Variants in SLC26A7 observed in about 807,000 individuals in gnomAD.
SLC26A7 encodes the protein solute carrier family 26 member 7, also known as anion exchange transporter.
In SLC26A7, 59 loss-of-function variants were observed where a neutral mutation model predicts 82.5. That is an observed-to-expected ratio of 0.72 (90% CI 0.58 to 0.89). The LOEUF is 0.89. Ranked by LOEUF, SLC26A7 falls within the 40% of genes least tolerant of loss-of-function variation. The probability of loss-of-function intolerance (pLI) is 0.00; values close to 1 mark genes in which losing one functional copy is unlikely to be tolerated. For synonymous variants in SLC26A7, 271 were observed against 274.3 expected (o/e 0.99, Z 0.12); for missense variants, 820 against 793.0 (o/e 1.03, Z -0.41).
At chr8:91,321,715 C>T (rs1172087240) in intron 5 of SLC26A7, among the ~76,000 whole-genome samples, 2 of 152,136 alleles carry the variant, frequency 1.3e-5, no homozygotes, top group Non-Finnish European at 2.9e-5. Context: ...GATTCATATA[C>T]TTCTGATTAA....
intron 2 of SLC26A7, among the ~76,000 whole-genome samples, chr8:91,222,798 T>G (rs958874233): frequency 6.7e-6 from 1 of 150,190 alleles, no homozygotes; most frequent in African/African-American, 2.4e-5. Flanking sequence ...TTCATCAGTT[T>G]TCTTTTTTTG....
At chr8:91,216,317 C>T (rs539481542) in intron 1 of SLC26A7, among the ~76,000 whole-genome samples, 1 of 152,226 alleles carries the variant, frequency 6.6e-6, no homozygotes, top group South Asian at 2.1e-4. Context: ...CATGCGATGT[C>T]CTAATGACAC....
chr8:91,390,911 AT>A (rs1183404514), intron 16 of SLC26A7, among the ~76,000 whole-genome samples: 3 of 152,136 alleles, frequency 2.0e-5, no homozygotes, highest in African/African-American at 7.2e-5. Flanking sequence ...TTGTCTAAAC[AT>A]GGTTGTTGTA....
At chr8:91,248,227 T>TC (rs979357709), upstream of SLC26A7, among the ~76,000 whole-genome samples, 3 of 151,666 alleles carry the variant, frequency 2.0e-5, no homozygotes, top group Non-Finnish European at 4.4e-5. Flanking sequence ...ATAAATAAAT[T>TC]CCCCCCCACC....
chr8:91,325,328 A>G (rs1476435604), intron 5 of SLC26A7, among the ~76,000 whole-genome samples: 1 of 152,162 alleles, frequency 6.6e-6, no homozygotes, highest in Non-Finnish European at 1.5e-5. Context: ...GGAAGTGACT[A>G]AGTTTAAACA....
At chr8:91,323,818 C>CTTTTTTT (rs3086210) in intron 5 of SLC26A7, among the ~76,000 whole-genome samples, 1 of 117,104 alleles carries the variant, frequency 8.5e-6, no homozygotes, top group African/African-American at 3.0e-5. Flanking sequence ...TTTTTCTTAT[C>CTTTTTTT]TTTTTTTTTT....
At chr8:91,242,518 A>G (rs886268787) in intron 2 of SLC26A7, among the ~76,000 whole-genome samples, 5 of 152,166 alleles carry the variant, frequency 3.3e-5, no homozygotes, top group Non-Finnish European at 7.3e-5. Flanking sequence ...GTGTGATGGA[A>G]TCTAGAGACA....
chr8:91,272,277 C>T (rs1254433549), intron 2 of SLC26A7, among the ~76,000 whole-genome samples: 1 of 152,150 alleles, frequency 6.6e-6, no homozygotes, highest in Non-Finnish European at 1.5e-5. Context: ...ACCTGGGCTT[C>T]ATGGAAGAGA....
intron 2 of SLC26A7, among the ~76,000 whole-genome samples, chr8:91,275,752 G>A (rs974872957): frequency 6.6e-6 from 1 of 152,074 alleles, no homozygotes; most frequent in African/African-American, 2.4e-5. Context: ...GTATGATATC[G>A]GGTGTCCAAG....
chr8:91,395,630 C>G lies in SLC26A7; in HGVS notation c.*533C>G, dbSNP rs1267833372. On this transcript the variant is annotated 3_prime_UTR_variant, in exon 19 of 19. Coordinates refer to ENST00000276609, the MANE Select transcript of SLC26A7 (RefSeq NM_052832.4). ...GATGTGAAATTCACAAAAAGTAAACCAAACAAAACGAATGAAAAACTGGAA... is the reference window on the plus strand; with the variant it reads ...GATGTGAAATTCACAAAAAGTAAACGAAACAAAACGAATGAAAAACTGGAA... 1 of 152,108 alleles carries G rather than the reference C, an allele frequency of 6.6e-6. No homozygotes were observed. The highest frequency in any genetic ancestry group is 6.5e-5 in the Admixed American group (1 of 15,272). 9.4% of individuals were successfully genotyped at this position (152,108 alleles called of 1,614,324 possible). A position where few individuals can be genotyped will look rare whatever the true frequency, so the allele number is the denominator to read the frequency against.
At chr8:91,242,874 C>T (rs1288848999) in intron 2 of SLC26A7, among the ~76,000 whole-genome samples, 4 of 152,112 alleles carry the variant, frequency 2.6e-5, no homozygotes, top group African/African-American at 9.7e-5. Flanking sequence ...AAAAGCATAA[C>T]TATCAGTATT....
chr8:91,256,369 A>T (rs1247924353), intron 2 of SLC26A7, among the ~76,000 whole-genome samples: 2 of 152,124 alleles, frequency 1.3e-5, no homozygotes, highest in African/African-American at 4.8e-5. Context: ...CCAGTGACTG[A>T]TTCAAGAATA....
At chr8:91,344,916 C>A (rs1036122255) in intron 9 of SLC26A7, among the ~76,000 whole-genome samples, 1 of 151,844 alleles carries the variant, frequency 6.6e-6, no homozygotes, top group Non-Finnish European at 1.5e-5. Flanking sequence ...TCTGTAAAAT[C>A]CTAGGATCCT....
chr8:91,342,431 G>A (rs1248620105), intron 8 of SLC26A7, among the ~76,000 whole-genome samples: 1 of 152,186 alleles, frequency 6.6e-6, no homozygotes, highest in Non-Finnish European at 1.5e-5. Context: ...CAAAAATACT[G>A]TTAAGGGGAA....
Position 91,239,094 on chromosome 8 carries a change from G to A in SLC26A7, c.-33-10525G>A, listed in dbSNP as rs540989430. Reference sequence around the variant, plus strand: ...TAAAAATGATATATAGATGAGGCCGGGTGTGGTGGCTTACGCCTGTAATCC... The same window carrying A: ...TAAAAATGATATATAGATGAGGCCGAGTGTGGTGGCTTACGCCTGTAATCC... On this transcript the variant is annotated intron_variant, in intron 2 of 5. Coordinates refer to the SLC26A7 transcript ENST00000522862. Among the ~76,000 whole-genome samples the A allele has an allele frequency of 8.5e-5, 13 of 152,148 alleles. No individual in the cohort carries two copies. The South Asian group carries it at 1.0e-3, about 12-fold the overall frequency.
At chr8:91,306,818 T>G (rs1018625097) in intron 4 of SLC26A7, among the ~76,000 whole-genome samples, 2 of 151,922 alleles carry the variant, frequency 1.3e-5, no homozygotes, top group Non-Finnish European at 2.9e-5. Flanking sequence ...CAAGTTATCC[T>G]TTCACCTCAG....
chr8:91,387,764 C>T (rs1004987510), intron 15 of SLC26A7, among the ~76,000 whole-genome samples: 1 of 152,120 alleles, frequency 6.6e-6, no homozygotes, highest in Non-Finnish European at 1.5e-5. Context: ...TATACCATTG[C>T]TATCCTTGAC....
intron 2 of SLC26A7, among the ~76,000 whole-genome samples, chr8:91,220,060 C>T (rs772152741): frequency 5.9e-5 from 9 of 152,092 alleles, no homozygotes; most frequent in Non-Finnish European, 1.2e-4. Flanking sequence ...GTTCTTTATG[C>T]ATCAGAGTTG....
intron 2 of SLC26A7, among the ~76,000 whole-genome samples, chr8:91,239,701 T>C (rs1425400911): frequency 1.3e-5 from 2 of 152,112 alleles, no homozygotes; most frequent in African/African-American, 4.8e-5. Flanking sequence ...TGCATTTCAG[T>C]ATTTCAATTC....
Sources: allele counts gnomAD v4.1 joint callset (sites outside exome capture counted in the v4.1 genomes callset), GRCh38; gene constraint gnomAD v4.1.1; transcripts MANE v1.5; gene names NCBI Gene and HGNC (gene_info 2026-07-23, HGNC 2026-07-21).